Variants in VPS8 observed in about 807,000 individuals in gnomAD.
The protein encoded by VPS8 is vacuolar protein sorting-associated protein 8 homolog.
In VPS8, 129 loss-of-function variants were observed where a neutral mutation model predicts 216.4. The ratio of observed to expected loss-of-function variants is 0.60; its 90% CI spans 0.52 to 0.69. VPS8 has a LOEUF of 0.69. Among genes scored for constraint, VPS8 ranks in the 30% least tolerant of loss-of-function variants. The probability of loss-of-function intolerance (pLI) is 0.00; values close to 1 mark genes in which losing one functional copy is unlikely to be tolerated. For synonymous variants in VPS8, 571 were observed against 565.4 expected (o/e 1.01, Z -0.14); for missense variants, 1,531 against 1,683.5 (o/e 0.91, Z 1.59).
chr3:184,908,411 C>G (rs775596433), intron 25 of VPS8, among the ~76,000 whole-genome samples: 7 of 152,226 alleles, frequency 4.6e-5, no homozygotes, highest in Non-Finnish European at 7.3e-5. Context: ...CTGGCCACTC[C>G]AAGTGCTGAC....
chr3:184,878,787 G>T (rs186786165), intron 21 of VPS8, among the ~76,000 whole-genome samples: 6 of 152,236 alleles, frequency 3.9e-5, no homozygotes, highest in Non-Finnish European at 8.8e-5. Context: ...ACATATACAT[G>T]CAGAGAGATA....
intron 10 of VPS8, among the ~76,000 whole-genome samples, chr3:184,851,442 A>G (rs1050031801): frequency 6.7e-6 from 1 of 150,144 alleles, no homozygotes; most frequent in South Asian, 2.2e-4. Context: ...AACAATTTGG[A>G]ATTTCATTCT....
chr3:185,039,153 A>C (rs1485734302), intron 46 of VPS8, among the ~76,000 whole-genome samples: 3 of 152,218 alleles, frequency 2.0e-5, no homozygotes, highest in Admixed American at 6.5e-5. Context: ...GGGAGCAGTC[A>C]GTTCACAAAC....
intron 3 of VPS8, among the ~76,000 whole-genome samples, chr3:184,830,041 CGTGT>C (rs1310223195): frequency 6.6e-6 from 1 of 152,004 alleles, no homozygotes; most frequent in Non-Finnish European, 1.5e-5. Context: ...CATTCGTGTG[CGTGT>C]GTGTGTCCTA....
At chr3:184,885,519 A>G (rs1368748620) in intron 21 of VPS8, among the ~76,000 whole-genome samples, 2 of 152,212 alleles carry the variant, frequency 1.3e-5, no homozygotes, top group African/African-American at 4.8e-5. Context: ...TTACAATAGC[A>G]GGTTTGGAGG....
chr3:184,903,338 T>TGAGATGCAA (rs1220875481), intron 25 of VPS8, among the ~76,000 whole-genome samples: 1 of 152,242 alleles, frequency 6.6e-6, no homozygotes, highest in Non-Finnish European at 1.5e-5. Context: ...TCATTTGATT[T>TGAGATGCAA]TCTTTGAGAT....
chr3:184,928,944 T>C (rs1740186327), intron 32 of VPS8, among the ~76,000 whole-genome samples: 1 of 152,228 alleles, frequency 6.6e-6, no homozygotes, highest in Admixed American at 6.5e-5. Context: ...ATATGACATG[T>C]AATTCTGAAC....
chr3:184,995,247 G>T (rs1336340843), intron 43 of VPS8, among the ~76,000 whole-genome samples: 1 of 152,210 alleles, frequency 6.6e-6, no homozygotes, highest in Non-Finnish European at 1.5e-5. Context: ...CCTAGGAAAA[G>T]TACCATTTAG....
chr3:184,869,066 C>T (rs993882287), intron 19 of VPS8, 30 bp downstream of exon 19: 9 of 1,574,056 alleles, frequency 5.7e-6, no homozygotes, highest in Middle Eastern at 1.7e-4. Context: ...GTGTAGTAGA[C>T]GTGGTTCTCC....
chr3:185,021,664 C>T (rs1230090656), intron 45 of VPS8, among the ~76,000 whole-genome samples: 1 of 152,188 alleles, frequency 6.6e-6, no homozygotes, highest in African/African-American at 2.4e-5. Flanking sequence ...TGCAGATCTG[C>T]TCAATCTGAA....
chr3:185,048,903 C>T (rs1355964197), intron 47 of VPS8, among the ~76,000 whole-genome samples: 1 of 152,204 alleles, frequency 6.6e-6, no homozygotes, highest in Non-Finnish European at 1.5e-5. Context: ...GTCCGAAGCC[C>T]TAGACCCTCC....
At chr3:184,950,468 G>A (rs2109404307) in intron 36 of VPS8, among the ~76,000 whole-genome samples, 1 of 151,848 alleles carries the variant, frequency 6.6e-6, no homozygotes, top group South Asian at 2.1e-4. Context: ...ATCTAGACTG[G>A]CCTATTTAGA....
In VPS8 at chr3:184,941,288, C is replaced by T. The variant is rs914747411; in HGVS notation, c.3035+1045C>T. Among the ~76,000 whole-genome samples the T allele has an allele frequency of 7.6e-5, 4 of 52,454 alleles. No homozygotes were observed. The East Asian group carries it at 1.5e-3, about 20-fold the overall frequency. 34.4% of individuals were successfully genotyped at this position (52,454 alleles called of 152,430 possible). ...TGTGGTACATTTAAATTTAGTCAAA[C>T]GAATATGTATGTGTAGATGTTTACT... is the stretch of plus-strand genomic sequence containing the variant. On this transcript the variant is annotated intron_variant, in intron 36 of 47. Transcript: ENST00000625842.
intron 46 of VPS8, among the ~76,000 whole-genome samples, chr3:185,036,698 C>T (rs542693091): frequency 4.0e-5 from 6 of 150,658 alleles, no homozygotes; most frequent in Non-Finnish European, 7.4e-5. Flanking sequence ...TAGTTTTATT[C>T]CCTTCCCCCA....
At position 185,034,435 on chromosome 3, in the gene VPS8, T is replaced by C. The variant is rs1189672112; in HGVS notation, c.4056+10046T>C. ...CATATGTTTATTGGCCACTTTTATG[T>C]CTTCTTTTGAGAAATGTCTGTTCAT... On this transcript the variant is annotated intron_variant, in intron 46 of 47. Transcript: ENST00000625842. Among the ~76,000 whole-genome samples the C allele has an allele frequency of 2.6e-5, 4 of 152,334 alleles. No homozygotes were observed. In the South Asian group the frequency reaches 6.2e-4, roughly 24 times the overall value.
intron 25 of VPS8, chr3:184,901,489 G>GT (rs1734474767): frequency 2.0e-5 from 3 of 150,748 alleles, no homozygotes; most frequent in African/African-American, 7.3e-5. Context: ...TTGTGGACAA[G>GT]TTTTTTAAGG....
At chr3:184,925,347 T>C (rs1739396540) in intron 30 of VPS8, among the ~76,000 whole-genome samples, 1 of 152,222 alleles carries the variant, frequency 6.6e-6, no homozygotes, top group South Asian at 2.1e-4. Flanking sequence ...CAAATGACTT[T>C]CAAGGTTTCT....
At chr3:184,836,347 A>T (rs759005160) in intron 5 of VPS8, 1 of 456,204 alleles carries the variant, frequency 2.2e-6, no homozygotes, top group South Asian at 1.6e-5. Context: ...GATGAAATTC[A>T]TTCCTTTCAA....
chr3:184,911,024 C>T (rs142666439), intron 25 of VPS8, among the ~76,000 whole-genome samples: 222 of 152,248 alleles, frequency 1.5e-3, no homozygotes, highest in African/African-American at 5.1e-3. Context: ...CTTTTTGAGG[C>T]AAAGTTGAAA....
Sources: allele counts gnomAD v4.1 joint callset (sites outside exome capture counted in the v4.1 genomes callset), GRCh38; gene constraint gnomAD v4.1.1; transcripts MANE v1.5; gene names NCBI Gene and HGNC (gene_info 2026-07-23, HGNC 2026-07-21).